Variants in HDLBP observed in about 807,000 individuals in gnomAD.
The protein encoded by HDLBP is high density lipoprotein binding protein.
A neutral mutation model predicts 137.3 loss-of-function variants in HDLBP; 30 were observed. The ratio of observed to expected loss-of-function variants is 0.22; its 90% confidence interval spans 0.16 to 0.30. The LOEUF is 0.30. Among genes scored for constraint, HDLBP ranks in the 10% least tolerant of loss-of-function variants. HDLBP has a pLI of 1.00. For synonymous variants in HDLBP, 606 were observed against 596.0 expected, an observed-to-expected ratio of 1.02 and a Z score of -0.24; for missense variants, 1,119 against 1,667.3, an observed-to-expected ratio of 0.67 and a Z score of 5.73.
chr2:241,246,680 AC>A (rs1229090413), intron 16 of HDLBP, 71 bp downstream of exon 16: 11 of 1,486,316 alleles, frequency 7.4e-6, no homozygotes. Context: ...GCGTGACTCA[AC>A]CCCAGGCTCA....
At chr2:241,265,192 G>C (rs949322371) in intron 3 of HDLBP, among the ~76,000 whole-genome samples, 1 of 152,228 alleles carries the variant, frequency 6.6e-6, no homozygotes, top group African/African-American at 2.4e-5. Flanking sequence ...GCCGAGGCAG[G>C]CAGATCACCT....
intron 1 of HDLBP, among the ~76,000 whole-genome samples, chr2:241,286,659 G>A (rs2074823509): frequency 6.6e-6 from 1 of 152,198 alleles, no homozygotes; most frequent in Non-Finnish European, 1.5e-5. Flanking sequence ...GACCTCCTGA[G>A]GCTGGGTCAC....
chr2:241,246,857 G>A lies in HDLBP; in HGVS notation c.1845C>T (p.Ile615=), dbSNP rs768858188. The A allele has an allele frequency of 6.8e-6, 11 of 1,613,968 alleles. No homozygotes were observed. In the South Asian group the frequency reaches 8.8e-5, roughly 13 times the overall value. Residue 615 remains isoleucine, a synonymous_variant, in exon 16 of 28, where the codon ATC becomes ATT. Transcript: ENST00000310931. ...AATTGCTATTCTCTGCTGGAAGGTC[G>A]ATTTTGGTGTTGCTTTCTTCACGAA... The part of the protein sequence containing the change: ...KKIREESNTK[I]DLPAENSNSE...
At position 241,230,582 on chromosome 2, in the gene HDLBP, T is replaced by A. The variant is rs1275214670; in HGVS notation, c.3474+177A>T. 6.6e-6 allele frequency among the ~76,000 whole-genome samples: 1 copy of A among 152,210 alleles called. No individual in the cohort carries two copies. Among genetic ancestry groups the A allele is most frequent in the Non-Finnish European group, 1.5e-5 (1 of 68,034 alleles). On this transcript the variant is annotated intron_variant, in intron 25 of 27. Coordinates refer to ENST00000310931, the MANE Select transcript of HDLBP (RefSeq NM_005336.6). This position sits in a 1 kb window ranked among gnomAD's most constrained non-coding sequence, Gnocchi z 5.0. Reference sequence around the variant, plus strand: ...TAATGGCCACCGTGGCAGTGCAGCCTCACACAGGCCGTCGCCTGCACTGAC... The same window carrying A: ...TAATGGCCACCGTGGCAGTGCAGCCACACACAGGCCGTCGCCTGCACTGAC...
chr2:241,256,893 C>T, intron 5 of HDLBP, 87 bp from the exon 6 acceptor site: 7 of 1,141,540 alleles, frequency 6.1e-6, no homozygotes, highest in Non-Finnish European at 9.1e-6. Context: ...GCAGAAACAC[C>T]ATCTTTGCTT....
intron 11 of HDLBP, among the ~76,000 whole-genome samples, chr2:241,252,010 C>T (rs1460854992): frequency 6.6e-6 from 1 of 151,980 alleles, no homozygotes; most frequent in Non-Finnish European, 1.5e-5. Flanking sequence ...CATCCTTGGA[C>T]CTGCAGCAGA....
In HDLBP at chr2:241,229,565, T is replaced by C. The variant is rs2230360; in HGVS notation, c.*36A>G. 1.9e-3 allele frequency: 2,870 copies of C among 1,522,512 alleles called. 32 individuals carry two copies. In the African/African-American group the frequency reaches 0.033, roughly 18 times the overall value. 94.3% of individuals were successfully genotyped at this position (1,522,512 alleles called of 1,614,324 possible). On this transcript the variant is annotated 3_prime_UTR_variant, in exon 28 of 28. Transcript: ENST00000310931. Reference sequence around the variant, plus strand: ...AAACCATTGTGTGGTTGGGTTTGGGTCAGCAGGCTGGAGAGGGTTCTGTTC... The same window carrying C: ...AAACCATTGTGTGGTTGGGTTTGGGCCAGCAGGCTGGAGAGGGTTCTGTTC...
At chr2:241,302,333 G>A (rs2075424454) in intron 1 of HDLBP, among the ~76,000 whole-genome samples, 1 of 152,100 alleles carries the variant, frequency 6.6e-6, no homozygotes. Flanking sequence ...GGCTGAAGCA[G>A]AAGGACTTGA....
At chr2:241,264,375 A>AT in intron 4 of HDLBP, 73 bp downstream of exon 4, 4 of 1,204,706 alleles carry the variant, frequency 3.3e-6, no homozygotes, top group Non-Finnish European at 4.7e-6. Context: ...AAAAAAAAAA[A>AT]GAAAAAAAAT....
intron 1 of HDLBP, among the ~76,000 whole-genome samples, chr2:241,314,057 A>G (rs2075876980): frequency 6.6e-6 from 1 of 152,226 alleles, no homozygotes; most frequent in African/African-American, 2.4e-5. Context: ...TTGAGGCAGT[A>G]GGCTCCAGCT....
chr2:241,252,838 C>G, intron 11 of HDLBP, 119 bp downstream of exon 11: 1 of 638,704 alleles, frequency 1.6e-6, no homozygotes, highest in Non-Finnish European at 2.8e-6. Context: ...TCTGTAACTC[C>G]CATTACAGGC....
intron 1 of HDLBP, among the ~76,000 whole-genome samples, chr2:241,293,967 C>G (rs2075093703): frequency 6.6e-6 from 1 of 150,620 alleles, no homozygotes; most frequent in Admixed American, 6.6e-5. Flanking sequence ...CTTGGTCAAT[C>G]AAAAGCAAAA....
At position 241,308,621 on chromosome 2, in the gene HDLBP, G is replaced by A. The variant is rs1355662365; in HGVS notation, c.-103+6949C>T. On this transcript the variant is annotated intron_variant, in intron 1 of 27. Transcript: ENST00000310931. Reference sequence around the variant, plus strand: ...CGTCAAAGTGTATACTGTTTTGCGGGGTATGCAGACCTGGGTAGATGGTAG... The same window carrying A: ...CGTCAAAGTGTATACTGTTTTGCGGAGTATGCAGACCTGGGTAGATGGTAG... Among the ~76,000 whole-genome samples, 3 of 152,108 alleles carry A rather than the reference G, an allele frequency of 2.0e-5. No individual in the cohort carries two copies. The East Asian group carries it at 5.8e-4, about 29-fold the overall frequency.
Position 241,240,829 on chromosome 2 carries a change from C to A in HDLBP, c.2170-707G>T, listed in dbSNP as rs1307507987. Among the ~76,000 whole-genome samples, 1 of 152,144 alleles carries A rather than the reference C, an allele frequency of 6.6e-6. No homozygotes were observed. The highest frequency in any genetic ancestry group is 2.1e-4 in the South Asian group (1 of 4,836). The stretch of plus-strand genomic sequence containing the variant: ...TGCTTCTGGCAGACCCACGCAGGGG[C>A]CCCGAGAAGGGCGCTGCTCCACGGG... On this transcript the variant is annotated intron_variant, in intron 17 of 27. Coordinates refer to ENST00000310931, the MANE Select transcript of HDLBP (RefSeq NM_005336.6). The surrounding 1 kb of genome is among the most constrained non-coding windows in gnomAD (Gnocchi z 5.5).
rs989165868 is a variant in HDLBP, at chr2:241,272,870, G to A, written c.-102-4329C>T. On this transcript the variant is annotated intron_variant, in intron 1 of 27. Coordinates refer to ENST00000310931, the MANE Select transcript of HDLBP (RefSeq NM_005336.6). This position sits in a 1 kb window ranked among gnomAD's most constrained non-coding sequence, Gnocchi z 5.6. ...CGGGCCCCGGCTGCTATATAGGGCG[G>A]CGGCCCAATCCCGCCTGGACACGTC... is the stretch of plus-strand genomic sequence containing the variant. 11 of 361,192 alleles carry A rather than the reference G, an allele frequency of 3.0e-5. No homozygotes were observed. Among genetic ancestry groups the A allele is most frequent in the African/African-American group, 4.4e-5 (2 of 45,126 alleles). 22.4% of individuals were successfully genotyped at this position (361,192 alleles called of 1,614,324 possible).
chr2:241,261,214 G>T (rs955349267), intron 5 of HDLBP, among the ~76,000 whole-genome samples: 4 of 125,872 alleles, frequency 3.2e-5, no homozygotes, highest in African/African-American at 8.4e-5. Context: ...AAAAAAAAAG[G>T]GGGTAGGAGG....
intron 21 of HDLBP, 120 bp downstream of exon 21, chr2:241,236,495 G>T: frequency 1.0e-6 from 1 of 990,356 alleles, no homozygotes; most frequent in Non-Finnish European, 1.6e-6. Context: ...GGAGCAAGAG[G>T]GCTACCTCCA....
chr2:241,237,537 G>C (rs578010340), intron 20 of HDLBP, among the ~76,000 whole-genome samples: 1 of 152,278 alleles, frequency 6.6e-6, no homozygotes, highest in East Asian at 1.9e-4. Context: ...CCTAGGATGG[G>C]GAAGTAGGTG....
chr2:241,268,700 G>GAA, intron 1 of HDLBP, 159 bp from the exon 2 acceptor site: 2 of 156,462 alleles, frequency 1.3e-5, no homozygotes, highest in African/African-American at 2.5e-5. Flanking sequence ...TTTCTTGGAA[G>GAA]AAAAAAAAAA....
Sources: gnomAD v4.1 joint callset for allele counts (sites outside exome capture counted in the v4.1 genomes callset) on GRCh38, gnomAD v4.1.1 for gene constraint, Gnocchi (gnomAD v3.1) non-coding constraint, MANE v1.5 for transcripts, NCBI Gene and HGNC (gene_info 2026-07-23, HGNC 2026-07-21) for gene names.